Variants in PPFIBP2 observed in about 807,000 individuals in gnomAD.
The protein encoded by PPFIBP2 is liprin-beta-2.
Under a neutral mutation model 118.3 loss-of-function variants are expected in PPFIBP2, and 118 were observed. The ratio of observed to expected loss-of-function variants is 1.00; its 90% confidence interval spans 0.86 to 1.16. PPFIBP2 has a LOEUF of 1.16. Among genes scored for constraint, PPFIBP2 ranks in the 50% most tolerant of loss-of-function variants. PPFIBP2 has a pLI of 0.00. For missense variants in PPFIBP2, 1,195 were observed against 1,073.1 expected, an observed-to-expected ratio of 1.11 and a Z score of -1.59; for synonymous variants, 414 against 397.4, an observed-to-expected ratio of 1.04 and a Z score of -0.50.
At chr11:7,658,219 A>C (rs540853218), downstream of PPFIBP2, among the ~76,000 whole-genome samples, 14 of 150,916 alleles carry the variant, frequency 9.3e-5, no homozygotes, top group East Asian at 2.6e-3. Context: ...ATATGTATAC[A>C]TGTGCCATGC....
At chr11:7,537,927 G>GGTCACCAAGATT (rs1325871599) in intron 1 of PPFIBP2, among the ~76,000 whole-genome samples, 1 of 152,068 alleles carries the variant, frequency 6.6e-6, no homozygotes, top group African/African-American at 2.4e-5. Context: ...GCATGGCCTT[G>GGTCACCAAGATT]GTTGTGGCTG....
intron 6 of PPFIBP2, among the ~76,000 whole-genome samples, chr11:7,617,564 C>A (rs1018883713): frequency 6.6e-5 from 10 of 152,076 alleles, no homozygotes; most frequent in Admixed American, 6.6e-4. Flanking sequence ...ACCAGGTGCT[C>A]CGAGTGATGG....
intron 1 of PPFIBP2, among the ~76,000 whole-genome samples, chr11:7,536,813 C>T (rs776318476): frequency 2.0e-5 from 3 of 151,982 alleles, no homozygotes; most frequent in Non-Finnish European, 4.4e-5. Context: ...AGCTGAGGAG[C>T]ACGTTCAAGC....
chr11:7,590,234 G>GT (rs372880385), intron 3 of PPFIBP2, among the ~76,000 whole-genome samples: 136 of 152,224 alleles, frequency 8.9e-4, no homozygotes, highest in Middle Eastern at 3.4e-3. Context: ...GAAGAACGCA[G>GT]TTTTTTTTAA....
chr11:7,653,478 G>A lies in PPFIBP2; in HGVS notation c.*260G>A. On this transcript the variant is annotated 3_prime_UTR_variant, in exon 24 of 24. Coordinates refer to ENST00000299492, the MANE Select transcript of PPFIBP2 (RefSeq NM_003621.5). Reference sequence around the variant, plus strand: ...ACTTAAAGACACTTTTACATGTCTAGTAATTCTTGATGTTCATCTTCAGCA... The same window carrying A: ...ACTTAAAGACACTTTTACATGTCTAATAATTCTTGATGTTCATCTTCAGCA... 2 of 1,456,378 alleles carry A rather than the reference G, an allele frequency of 1.4e-6. No individual in the cohort carries two copies. Among genetic ancestry groups the A allele is most frequent in the East Asian group, 6.0e-5 (2 of 33,550 alleles). 90.2% of individuals were successfully genotyped at this position (1,456,378 alleles called of 1,614,324 possible).
intron 1 of PPFIBP2, chr11:7,548,477 A>G (rs1852576133): frequency 6.6e-6 from 1 of 151,790 alleles, no homozygotes; most frequent in Admixed American, 6.6e-5. Flanking sequence ...ATGAGCAAAC[A>G]GCAACTCCTC....
chr11:7,602,087 C>CAAAAA (rs201003988), intron 5 of PPFIBP2, among the ~76,000 whole-genome samples: 138 of 55,846 alleles, frequency 2.5e-3, no homozygotes, highest in Non-Finnish European at 2.6e-3. Flanking sequence ...GAATGAAACT[C>CAAAAA]AAAAAAAAAA....
chr11:7,656,659 TG>T (rs1854719559), downstream of PPFIBP2: 1 of 1,180,986 alleles, frequency 8.5e-7, no homozygotes, highest in Non-Finnish European at 1.1e-6. Flanking sequence ...CTAGTTCCGG[TG>T]CAGCTGCCGC....
intron 9 of PPFIBP2, 88 bp downstream of exon 9, chr11:7,628,434 G>C (rs756794573): frequency 3.0e-5 from 37 of 1,214,528 alleles, no homozygotes; most frequent in Admixed American, 6.1e-5. Context: ...ATTCTGGACA[G>C]GACCATGCTT....
chr11:7,620,831 T>G, intron 6 of PPFIBP2, 104 bp from the exon 7 acceptor site: 1 of 782,070 alleles, frequency 1.3e-6, no homozygotes. Flanking sequence ...TATGTGGAGC[T>G]TGATGTGGTT....
chr11:7,615,335 CAAAA>C (rs35137869), intron 6 of PPFIBP2, among the ~76,000 whole-genome samples: 5 of 99,186 alleles, frequency 5.0e-5, no homozygotes, highest in Admixed American at 1.0e-4. Flanking sequence ...GACTCCGTCT[CAAAA>C]AAAAAAAAAA....
At chr11:7,524,173 A>G (rs1850017310) in intron 1 of PPFIBP2, among the ~76,000 whole-genome samples, 1 of 152,128 alleles carries the variant, frequency 6.6e-6, no homozygotes, top group South Asian at 2.1e-4. Context: ...GTAGGAATCA[A>G]GAGGTTTGTA....
intron 3 of PPFIBP2, among the ~76,000 whole-genome samples, chr11:7,583,497 T>G (rs1363614028): frequency 6.6e-6 from 1 of 152,182 alleles, no homozygotes; most frequent in African/African-American, 2.4e-5. Context: ...GTGAGGACAG[T>G]CTTCAAAGAG....
At chr11:7,601,276 A>T (rs1861378085) in intron 5 of PPFIBP2, among the ~76,000 whole-genome samples, 1 of 152,226 alleles carries the variant, frequency 6.6e-6, no homozygotes, top group African/African-American at 2.4e-5. Context: ...ACATGAACTC[A>T]TCCAGCCTCC....
At chr11:7,518,158 CT>C (rs1220469880) in intron 1 of PPFIBP2, among the ~76,000 whole-genome samples, 4 of 152,198 alleles carry the variant, frequency 2.6e-5, no homozygotes, top group Non-Finnish European at 5.9e-5. Context: ...TTGTTAAAGA[CT>C]TTGAAGGCTA....
intron 5 of PPFIBP2, among the ~76,000 whole-genome samples, chr11:7,608,741 T>C (rs1411222861): frequency 1.3e-5 from 2 of 152,248 alleles, no homozygotes; most frequent in African/African-American, 4.8e-5. Flanking sequence ...TGTTTCCTCA[T>C]CTGTCAAATT....
At chr11:7,666,144 A>G in the PPFIBP2 span, 5 of 603,700 alleles carry the variant, frequency 8.3e-6, no homozygotes, top group East Asian at 2.8e-5. Context: ...TTAGATGTGT[A>G]TGTGATGGCT....
At chr11:7,562,870 A>G (rs182434292) in intron 2 of PPFIBP2, among the ~76,000 whole-genome samples, 3 of 147,930 alleles carry the variant, frequency 2.0e-5, no homozygotes, top group Admixed American at 1.4e-4. Context: ...TTTATTGACT[A>G]TTGGTTTTGT....
chr11:7,597,181 A>T, intron 4 of PPFIBP2: 1 of 1,469,980 alleles, frequency 6.8e-7, no homozygotes, highest in Non-Finnish European at 9.0e-7. Flanking sequence ...GCTCTTCCAC[A>T]CGAGGTTGCA....
Sources: allele counts gnomAD v4.1 joint callset (sites outside exome capture counted in the v4.1 genomes callset), GRCh38; gene constraint gnomAD v4.1.1; transcripts MANE v1.5; gene names NCBI Gene and HGNC (gene_info 2026-07-23, HGNC 2026-07-21).